Variants in SIPA1L1 observed in about 807,000 individuals in gnomAD.
SIPA1L1 encodes signal-induced proliferation-associated 1-like protein 1.
In SIPA1L1, 26 loss-of-function variants were observed where a neutral mutation model predicts 162.7. That is an observed-to-expected ratio of 0.16 (90% CI 0.12 to 0.22). SIPA1L1 has a LOEUF of 0.22. Among genes scored for constraint, SIPA1L1 ranks in the 10% least tolerant of loss-of-function variants. The pLI is 1.00. For synonymous variants in SIPA1L1, 829 were observed against 837.4 expected (o/e 0.99, Z 0.17); for missense variants, 1,874 against 2,241.0 (o/e 0.84, Z 3.31).
intron 4 of SIPA1L1, among the ~76,000 whole-genome samples, chr14:71,551,242 T>A (rs1360535233): frequency 3.3e-5 from 5 of 152,176 alleles, no homozygotes; most frequent in African/African-American, 1.2e-4. Flanking sequence ...AACAAAAACC[T>A]TGATGTGTGT....
At chr14:71,460,649 C>T (rs1595576431) in intron 2 of SIPA1L1, among the ~76,000 whole-genome samples, 1 of 152,132 alleles carries the variant, frequency 6.6e-6, no homozygotes, top group African/African-American at 2.4e-5. Flanking sequence ...GGCACTAAGA[C>T]CCCTGTGCCA....
intron 2 of SIPA1L1, among the ~76,000 whole-genome samples, chr14:71,394,359 G>A (rs2041015735): frequency 6.6e-6 from 1 of 152,104 alleles, no homozygotes; most frequent in Non-Finnish European, 1.5e-5. Flanking sequence ...CTATTATTTT[G>A]TAGCTAGAAA....
At chr14:71,488,646 T>C (rs921151800) in intron 2 of SIPA1L1, among the ~76,000 whole-genome samples, 1 of 152,340 alleles carries the variant, frequency 6.6e-6, no homozygotes, top group South Asian at 2.1e-4. Context: ...TATTTTCCTG[T>C]TTCTGAACAC....
intron 2 of SIPA1L1, among the ~76,000 whole-genome samples, chr14:71,423,760 G>C (rs2043359807): frequency 6.6e-6 from 1 of 152,024 alleles, no homozygotes; most frequent in Non-Finnish European, 1.5e-5. Context: ...TTCCTGCTTT[G>C]TTCCTTTTCA....
intron 2 of SIPA1L1, among the ~76,000 whole-genome samples, chr14:71,502,497 C>CTTGAGGATGGGA (rs2050343059): frequency 1.3e-5 from 2 of 150,882 alleles, no homozygotes; most frequent in African/African-American, 2.5e-5. Context: ...GTGATCCACC[C>CTTGAGGATGGGA]GGCTCAACCT....
At chr14:71,718,547 G>T (rs2083440148) in intron 17 of SIPA1L1, among the ~76,000 whole-genome samples, 1 of 152,150 alleles carries the variant, frequency 6.6e-6, no homozygotes, top group African/African-American at 2.4e-5. Context: ...CTACTTGGGG[G>T]GCTAAGGTGG....
chr14:71,372,462 C>T (rs2141032257), intron 2 of SIPA1L1, among the ~76,000 whole-genome samples: 1 of 152,080 alleles, frequency 6.6e-6, no homozygotes, highest in South Asian at 2.1e-4. Flanking sequence ...CTTCTTTTTC[C>T]AAAATTTACA....
chr14:71,454,018 A>G (rs1410523378), intron 2 of SIPA1L1, among the ~76,000 whole-genome samples: 1 of 150,614 alleles, frequency 6.6e-6, no homozygotes, highest in Non-Finnish European at 1.5e-5. Context: ...AAAAAAAAAA[A>G]AAAAAAAGGA....
intron 2 of SIPA1L1, among the ~76,000 whole-genome samples, chr14:71,424,555 T>A (rs188692937): frequency 1.6e-4 from 25 of 152,154 alleles, no homozygotes; most frequent in Non-Finnish European, 2.9e-5. Flanking sequence ...TTTCATCTCT[T>A]CATTCTGTTA....
At chr14:71,578,444 G>A (rs370533566) in intron 4 of SIPA1L1, among the ~76,000 whole-genome samples, 1 of 152,100 alleles carries the variant, frequency 6.6e-6, no homozygotes, top group African/African-American at 2.4e-5. Flanking sequence ...ATAATGCAGC[G>A]ATTGTGGCAC....
chr14:71,449,144 A>G (rs1489510557), intron 2 of SIPA1L1, among the ~76,000 whole-genome samples: 2 of 152,196 alleles, frequency 1.3e-5, no homozygotes, highest in Non-Finnish European at 2.9e-5. Context: ...GGTGACCTTC[A>G]TGGTGATTAA....
intron 2 of SIPA1L1, among the ~76,000 whole-genome samples, chr14:71,429,802 T>A (rs2043849029): frequency 6.6e-6 from 1 of 152,240 alleles, no homozygotes; most frequent in Non-Finnish European, 1.5e-5. Flanking sequence ...TAGGTAGATC[T>A]CATTAGCTTA....
At chr14:71,711,121 T>C (rs901622835) in intron 17 of SIPA1L1, among the ~76,000 whole-genome samples, 1 of 152,194 alleles carries the variant, frequency 6.6e-6, no homozygotes, top group Non-Finnish European at 1.5e-5. Context: ...GATCTCAAAA[T>C]GATGGTGATA....
chr14:71,402,243 TG>T (rs1259107005), intron 2 of SIPA1L1, among the ~76,000 whole-genome samples: 1 of 152,142 alleles, frequency 6.6e-6, no homozygotes, highest in Non-Finnish European at 1.5e-5. Context: ...AACTTATTAT[TG>T]AGAGGCAATA....
intron 12 of SIPA1L1, among the ~76,000 whole-genome samples, chr14:71,683,348 G>A (rs1006999724): frequency 2.0e-5 from 3 of 152,222 alleles, no homozygotes; most frequent in Non-Finnish European, 4.4e-5. Flanking sequence ...CATAGATGGT[G>A]ATGTTCTTTG....
intron 4 of SIPA1L1, among the ~76,000 whole-genome samples, chr14:71,533,764 A>T (rs1411500833): frequency 6.6e-6 from 1 of 152,240 alleles, no homozygotes; most frequent in Non-Finnish European, 1.5e-5. Context: ...TTGTTAGAAC[A>T]TATGCTGAGT....
chr14:71,385,903 G>T (rs1236232615), intron 2 of SIPA1L1, among the ~76,000 whole-genome samples: 1 of 151,898 alleles, frequency 6.6e-6, no homozygotes, highest in Non-Finnish European at 1.5e-5. Flanking sequence ...GTCCAGGATG[G>T]TCTCGATCTC....
intron 5 of SIPA1L1, among the ~76,000 whole-genome samples, chr14:71,590,937 C>G (rs1438086261): frequency 6.6e-6 from 1 of 152,042 alleles, no homozygotes. Context: ...TTGTGACAGC[C>G]TAAAATGTCT....
chr14:71,476,244 T>C (rs1030366195), intron 2 of SIPA1L1, among the ~76,000 whole-genome samples: 1 of 152,202 alleles, frequency 6.6e-6, no homozygotes, highest in Non-Finnish European at 1.5e-5. Context: ...TGGATTGTAG[T>C]GGACAAATTT....
Sources: gnomAD v4.1 joint callset for allele counts (sites outside exome capture counted in the v4.1 genomes callset) on GRCh38, gnomAD v4.1.1 for gene constraint, MANE v1.5 for transcripts, NCBI Gene and HGNC (gene_info 2026-07-23, HGNC 2026-07-21) for gene names.